Variants in YTHDC2 observed in about 807,000 individuals in gnomAD.
The protein encoded by YTHDC2 is YTH N6-methyladenosine RNA binding protein C2.
A neutral mutation model predicts 174.9 loss-of-function variants in YTHDC2; 45 were observed. The observed-to-expected ratio is 0.26, with a 90% CI of 0.20 to 0.33. The LOEUF is 0.33. Among genes scored for constraint, YTHDC2 ranks in the 10% least tolerant of loss-of-function variants. The pLI, the probability that YTHDC2 is intolerant of heterozygous loss-of-function variation, is 1.00. For missense variants in YTHDC2, 1,650 were observed against 1,723.7 expected (o/e 0.96, Z 0.76); for synonymous variants, 657 against 574.5 (o/e 1.14, Z -2.05).
rs369856297 is a variant in YTHDC2, at chr5:113,584,291, T to C, written c.3648-11T>C. The C allele has an allele frequency of 4.5e-5, 72 of 1,601,142 alleles. No individual in the cohort carries two copies. The African/African-American group carries it at 6.7e-4, about 15-fold the overall frequency. ...ATATAACTGATCTTTGCTTCCTCCT[T>C]CTTGCTCAAGAGTACTGATGAAATC... On this transcript the variant is annotated splice_polypyrimidine_tract_variant and intron_variant, in intron 25 of 29. Coordinates refer to ENST00000161863, the MANE Select transcript of YTHDC2 (RefSeq NM_022828.5).
chr5:113,530,267 C>G (rs1289904698), intron 4 of YTHDC2, among the ~76,000 whole-genome samples: 1 of 152,022 alleles, frequency 6.6e-6, no homozygotes, highest in Non-Finnish European at 1.5e-5. Flanking sequence ...ACCTCCCCTA[C>G]CCAATTTAAG....
chr5:113,569,754 G>A (rs1256490485), intron 23 of YTHDC2, among the ~76,000 whole-genome samples: 1 of 152,180 alleles, frequency 6.6e-6, no homozygotes, highest in Non-Finnish European at 1.5e-5. Flanking sequence ...TAGCCCTGTA[G>A]TATAGCTTGA....
Position 113,594,447 on chromosome 5 carries a change from C to G in YTHDC2, c.*973C>G, listed in dbSNP as rs756125669. On this transcript the variant is annotated 3_prime_UTR_variant, in exon 30 of 30. Transcript: ENST00000161863. ...GCGCCACAATTCTAAGTGCCGCCTT[C>G]CATTTTTTTTCAGTATGTTTTCACT... 6.6e-6 allele frequency: 1 copy of G among 152,138 alleles called. No homozygotes were observed. Among genetic ancestry groups the G allele is most frequent in the Non-Finnish European group, 1.5e-5 (1 of 68,030 alleles). The allele number at this position is 152,138 out of a possible 1,614,324, so 9.4% of individuals were successfully genotyped here.
chr5:113,556,268 G>T, intron 17 of YTHDC2, 134 bp downstream of exon 17: 1 of 484,430 alleles, frequency 2.1e-6, no homozygotes, highest in Non-Finnish European at 3.6e-6. Context: ...TATTATTTTT[G>T]CAAAGCAAGC....
At chr5:113,552,851 A>G (rs1011241738) in intron 12 of YTHDC2, among the ~76,000 whole-genome samples, 2 of 152,062 alleles carry the variant, frequency 1.3e-5, no homozygotes, top group South Asian at 2.1e-4. Flanking sequence ...GATTGTAGTC[A>G]TCCTAGTTGG....
Position 113,581,719 on chromosome 5 carries a change from T to A in YTHDC2, c.3647+10T>A. The A allele has an allele frequency of 6.8e-7, 1 of 1,481,390 alleles. No homozygotes were observed. The highest frequency in any genetic ancestry group is 9.0e-7 in the Non-Finnish European group (1 of 1,114,358). The allele number at this position is 1,481,390 out of a possible 1,614,324, so 91.8% of individuals were successfully genotyped here. On this transcript the variant is annotated intron_variant, in intron 25 of 29. Transcript: ENST00000161863. Reference sequence around the variant, plus strand: ...GTACTACTGCAGAAAGGTAAATTTATGACATTTTACCAAAATGGGTCACTT... The same window carrying A: ...GTACTACTGCAGAAAGGTAAATTTAAGACATTTTACCAAAATGGGTCACTT...
chr5:113,537,478 T>C (rs1053634981), intron 7 of YTHDC2, among the ~76,000 whole-genome samples: 1 of 151,870 alleles, frequency 6.6e-6, no homozygotes, highest in African/African-American at 2.4e-5. Flanking sequence ...CCCTGTGGGC[T>C]TCTCTTCTTT....
At chr5:113,549,104 A>T in intron 12 of YTHDC2, 84 bp downstream of exon 12, 1 of 1,193,756 alleles carries the variant, frequency 8.4e-7, no homozygotes, top group Non-Finnish European at 1.2e-6. Context: ...ATTCAAATGT[A>T]GACCATTTAT....
At chr5:113,580,442 C>A (rs1778327921) in intron 24 of YTHDC2, among the ~76,000 whole-genome samples, 1 of 152,118 alleles carries the variant, frequency 6.6e-6, no homozygotes, top group South Asian at 2.1e-4. Context: ...ATGAATGTTT[C>A]TTTTCAAATT....
At chr5:113,563,548 A>G (rs1777143434) in intron 19 of YTHDC2, 56 bp downstream of exon 19, 12 of 1,520,354 alleles carry the variant, frequency 7.9e-6, no homozygotes, top group South Asian at 7.9e-5. Flanking sequence ...ATTTTAAACT[A>G]AAAGGAAATA....
rs542724578 is a variant in YTHDC2 at position 113,519,650 on chromosome 5, A to G, written c.278+4288A>G. The stretch of plus-strand genomic sequence containing the variant: ...TCAGAAGTCCAACAACAGAGGTCCC[A>G]TGGACTTAAAATCAAGATATCGGCA... On this transcript the variant is annotated intron_variant, in intron 2 of 29. Transcript: ENST00000161863. Among the ~76,000 whole-genome samples the G allele has an allele frequency of 4.6e-5, 7 of 152,338 alleles. No individual in the cohort carries two copies. The South Asian group carries it at 1.0e-3, about 23-fold the overall frequency.
intron 23 of YTHDC2, among the ~76,000 whole-genome samples, chr5:113,574,535 A>G (rs1324295685): frequency 1.3e-5 from 2 of 152,200 alleles, no homozygotes; most frequent in Non-Finnish European, 2.9e-5. Context: ...GACTGCCTGT[A>G]TAGCCATCAG....
intron 8 of YTHDC2, among the ~76,000 whole-genome samples, chr5:113,539,854 A>G (rs898480208): frequency 6.6e-5 from 10 of 152,182 alleles, no homozygotes; most frequent in South Asian, 2.1e-4. Flanking sequence ...TGAATTACTG[A>G]TATGTAAGTT....
intron 10 of YTHDC2, among the ~76,000 whole-genome samples, chr5:113,546,894 G>C (rs1231882761): frequency 1.3e-5 from 2 of 152,202 alleles, no homozygotes; most frequent in Non-Finnish European, 2.9e-5. Context: ...ATGAGTTCTT[G>C]TCAACTGTCC....
At chr5:113,517,356 T>A (rs1773505114) in intron 2 of YTHDC2, among the ~76,000 whole-genome samples, 1 of 152,320 alleles carries the variant, frequency 6.6e-6, no homozygotes, top group South Asian at 2.1e-4. Flanking sequence ...AAATGTACAG[T>A]TCTGTAGCTA....
At chr5:113,520,687 A>G (rs563362294) in intron 2 of YTHDC2, among the ~76,000 whole-genome samples, 3 of 152,320 alleles carry the variant, frequency 2.0e-5, no homozygotes, top group Admixed American at 2.0e-4. Context: ...AACAAGGACC[A>G]ATGGTTCTTT....
chr5:113,576,024 A>C (rs11948284), intron 23 of YTHDC2, among the ~76,000 whole-genome samples: 7 of 152,184 alleles, frequency 4.6e-5, no homozygotes, highest in African/African-American at 1.7e-4. Context: ...CAGAAAACGA[A>C]GGAGCAAGTC....
At chr5:113,548,437 A>G (rs868685529) in intron 10 of YTHDC2, 104 bp from the exon 11 acceptor site, 2 of 1,146,294 alleles carry the variant, frequency 1.7e-6, no homozygotes, top group Non-Finnish European at 2.4e-6. Context: ...CTCTCAGGCT[A>G]ATTATCCTGA....
chr5:113,548,471 T>C, intron 10 of YTHDC2, 70 bp from the exon 11 acceptor site: 5 of 1,460,870 alleles, frequency 3.4e-6, no homozygotes, highest in Non-Finnish European at 4.6e-6. Flanking sequence ...TATTTCAGAT[T>C]TTTTAAAGAA....
Sources: allele counts gnomAD v4.1 joint callset (sites outside exome capture counted in the v4.1 genomes callset), GRCh38; gene constraint gnomAD v4.1.1; transcripts MANE v1.5; gene names NCBI Gene and HGNC (gene_info 2026-07-23, HGNC 2026-07-21).